SYNE2: variants seen among roughly 807,000 people sequenced by gnomAD.
SYNE2 encodes the protein nesprin-2.
SYNE2 carries 431 observed loss-of-function variants against 856.3 expected under a neutral mutation model. That is an observed-to-expected ratio of 0.50 (90% CI 0.47 to 0.55). SYNE2 has a LOEUF of 0.55. Ranked by LOEUF, SYNE2 falls within the 20% of genes least tolerant of loss-of-function variation. The pLI is 0.00. For missense variants in SYNE2, 8,129 were observed against 8,023.2 expected (o/e 1.01, Z -0.50); for synonymous variants, 2,923 against 2,872.3 (o/e 1.02, Z -0.56).
At chr14:64,129,502 A>G (rs1178935120) in intron 74 of SYNE2, among the ~76,000 whole-genome samples, 2 of 152,180 alleles carry the variant, frequency 1.3e-5, no homozygotes, top group Non-Finnish European at 2.9e-5. Flanking sequence ...AGAGATGCTG[A>G]AGAGCTGGTG....
chr14:64,126,035 CT>C (rs1259165178), intron 71 of SYNE2, among the ~76,000 whole-genome samples: 1 of 152,232 alleles, frequency 6.6e-6, no homozygotes, highest in Non-Finnish European at 1.5e-5. Context: ...TGGGACCACA[CT>C]TTCACCTGGA....
chr14:63,863,758 C>T (rs1421835661), intron 1 of SYNE2, among the ~76,000 whole-genome samples: 1 of 152,108 alleles, frequency 6.6e-6, no homozygotes, highest in Admixed American at 6.6e-5. Flanking sequence ...GAATGATTAT[C>T]ATGAATTCTG....
chr14:63,886,819 C>T (rs552279269), intron 1 of SYNE2, among the ~76,000 whole-genome samples: 1 of 152,126 alleles, frequency 6.6e-6, no homozygotes, highest in East Asian at 1.9e-4. Context: ...TCCATCATGC[C>T]TGGCTAATTT....
At chr14:64,054,232 G>A (rs1364952727) in intron 48 of SYNE2, among the ~76,000 whole-genome samples, 4 of 152,036 alleles carry the variant, frequency 2.6e-5, no homozygotes, top group African/African-American at 9.7e-5. Context: ...AGTCTCTGTT[G>A]AGCTCAGAAC....
chr14:64,133,251 A>G (rs1480435363), intron 77 of SYNE2, among the ~76,000 whole-genome samples: 3 of 152,092 alleles, frequency 2.0e-5, no homozygotes, highest in African/African-American at 7.2e-5. Context: ...TTGATAGTGT[A>G]ATATGGTGTT....
chr14:63,862,787 GT>G lies in SYNE2; in HGVS notation c.-52+9654del, dbSNP rs149128717. ...TATTAGAAGGTTTTGGGGCAGTTTT[GT>G]TTTTTTTTTGTTTTGTTTTGTTTTT... On this transcript the variant is annotated intron_variant, in intron 1 of 115. Coordinates refer to ENST00000555002, the MANE Select transcript of SYNE2 (RefSeq NM_182914.3). Among the ~76,000 whole-genome samples the G allele has an allele frequency of 6.8e-5, 10 of 145,986 alleles. No homozygotes were observed. The South Asian group carries it at 8.8e-4, about 13-fold the overall frequency.
Position 64,212,820 on chromosome 14 carries a change from C to G in SYNE2, c.18871C>G (p.Gln6291Glu). 1 of 1,614,216 alleles carries G rather than the reference C, an allele frequency of 6.2e-7. No homozygotes were observed. The highest frequency in any genetic ancestry group is 8.5e-7 in the Non-Finnish European group (1 of 1,180,030). Residue 6291 changes from glutamine (Q) to glutamate (E), a missense_variant, in exon 105 of 116, where the codon CAG (glutamine) becomes GAG (glutamate). Gln to Glu is a conservative substitution (Grantham distance 29, BLOSUM62 2). Transcript: ENST00000555002. ...TCTCCTCTCTCAACAGGGCTTCCAA[C>G]AGGAAATTACATTAAATACCAACAA... ...DKMRQLNGFQ[Q>E]EITLNTNKID... is the part of the protein sequence containing the mutation.
At position 63,993,844 on chromosome 14, in the gene SYNE2, A is replaced by G. The variant is rs756004946; in HGVS notation, c.2656A>G (p.Ile886Val). The G allele has an allele frequency of 1.9e-6, 3 of 1,606,088 alleles. No individual in the cohort carries two copies. The highest frequency in any genetic ancestry group is 3.4e-4 in the Middle Eastern group (2 of 5,960). The change falls in exon 22 of 116, where the codon ATA becomes GTA. Residue 886 changes from isoleucine (I) to valine (V), a missense_variant. Transcript: ENST00000555002. Reference sequence around the variant, plus strand: ...TTTTTTTTTTTTTTAGGAAGCACTAATAATTTCTAATACAAAAAGTCTGGC... The same window carrying G: ...TTTTTTTTTTTTTTAGGAAGCACTAGTAATTTCTAATACAAAAAGTCTGGC... The part of the protein sequence containing the change: ...ELISKHKEAL[I>V]ISNTKSLAKY...
At chr14:64,224,845 C>T (rs897012287) in intron 114 of SYNE2, 154 bp from the exon 115 acceptor site, 43 of 767,164 alleles carry the variant, frequency 5.6e-5, no homozygotes, top group Non-Finnish European at 8.8e-5. Context: ...CTTCAGGTGA[C>T]GTTTAATCTC....
intron 1 of SYNE2, among the ~76,000 whole-genome samples, chr14:63,847,624 C>T (rs1445549369): frequency 1.4e-5 from 2 of 144,106 alleles, no homozygotes; most frequent in South Asian, 2.2e-4. Flanking sequence ...CTCGCTCTGT[C>T]GCCCAGGCTG....
chr14:63,919,495 G>C (rs2095571298), intron 2 of SYNE2, among the ~76,000 whole-genome samples: 1 of 152,170 alleles, frequency 6.6e-6, no homozygotes, highest in Admixed American at 6.5e-5. Flanking sequence ...AGTGTGGCTG[G>C]ATTGTGGTGG....
intron 97 of SYNE2, 98 bp from the exon 98 acceptor site, chr14:64,188,452 A>C (rs2098502409): frequency 1.5e-6 from 2 of 1,367,454 alleles, no homozygotes; most frequent in African/African-American, 2.9e-5. Flanking sequence ...GCGGAGAGCT[A>C]CTGATTAAAA....
At chr14:64,037,608 G>A (rs1595041791) in intron 45 of SYNE2, among the ~76,000 whole-genome samples, 1 of 151,114 alleles carries the variant, frequency 6.6e-6, no homozygotes, top group African/African-American at 2.4e-5. Context: ...CCACAAAACC[G>A]CCATTGTCAT....
intron 1 of SYNE2, among the ~76,000 whole-genome samples, chr14:63,793,690 G>T (rs1486706678): frequency 1.3e-5 from 2 of 152,088 alleles, no homozygotes; most frequent in African/African-American, 2.4e-5. Flanking sequence ...TAATCCCAGG[G>T]CTTCCGGAGG....
rs1294597862 is a variant in SYNE2 at position 64,225,722 on chromosome 14, A to T, written c.*196A>T. On this transcript the variant is annotated 3_prime_UTR_variant, in exon 116 of 116. Coordinates refer to ENST00000555002, the MANE Select transcript of SYNE2 (RefSeq NM_182914.3). ...TTGTGTTCCTCCCCAGGAGCAGGGA[A>T]CCTGTGTGGCAGGTGCCCCGGGTAT... 3.1e-6 allele frequency: 2 copies of T among 651,924 alleles called. No individual in the cohort carries two copies. Among genetic ancestry groups the T allele is most frequent in the Non-Finnish European group, 5.5e-6 (2 of 366,780 alleles). 40.4% of individuals were successfully genotyped at this position (651,924 alleles called of 1,614,324 possible).
intron 65 of SYNE2, 152 bp from the exon 66 acceptor site, chr14:64,113,189 A>G (rs1567336207): frequency 3.4e-6 from 5 of 1,488,130 alleles, no homozygotes; most frequent in Non-Finnish European, 4.4e-6. Context: ...GATTGTTGCT[A>G]TGAGTGTGGA....
chr14:63,806,434 T>C (rs1340814691), intron 1 of SYNE2, among the ~76,000 whole-genome samples: 1 of 152,170 alleles, frequency 6.6e-6, no homozygotes, highest in African/African-American at 2.4e-5. Context: ...TAAAGTTTTC[T>C]TTTTTTGCTG....
At chr14:63,945,035 T>A (rs1262342101) in intron 6 of SYNE2, among the ~76,000 whole-genome samples, 1 of 149,702 alleles carries the variant, frequency 6.7e-6, no homozygotes, top group Non-Finnish European at 1.5e-5. Flanking sequence ...CTTGAACTCC[T>A]GACCTCAAAT....
chr14:63,801,510 T>C (rs975500332), intron 1 of SYNE2, among the ~76,000 whole-genome samples: 2 of 151,864 alleles, frequency 1.3e-5, no homozygotes, highest in Non-Finnish European at 2.9e-5. Flanking sequence ...AGAAGCCCCA[T>C]CTCTACTAAA....
Sources: gnomAD v4.1 joint callset for allele counts (sites outside exome capture counted in the v4.1 genomes callset) on GRCh38, gnomAD v4.1.1 for gene constraint, MANE v1.5 for transcripts, NCBI Gene and HGNC (gene_info 2026-07-23, HGNC 2026-07-21) for gene names.